The following ITGA4 variants were observed in gnomAD, a reference collection of about 807,000 sequenced individuals.
ITGA4 encodes the protein integrin subunit alpha 4, also known as integrin alpha-4.
ITGA4 carries 63 observed loss-of-function variants against 133.6 expected under a neutral mutation model. The observed-to-expected ratio is 0.47, with a 90% confidence interval of 0.38 to 0.58. The LOEUF is 0.58. Among genes scored for constraint, ITGA4 ranks in the 20% least tolerant of loss-of-function variants. The probability of loss-of-function intolerance (pLI) is 0.00; values close to 1 mark genes in which losing one functional copy is unlikely to be tolerated. For synonymous variants in ITGA4, 483 were observed against 438.0 expected (o/e 1.10, Z -1.28); for missense variants, 1,076 against 1,252.7 (o/e 0.86, Z 2.13).
chr2:181,474,804 T>G (rs185493617), intron 2 of ITGA4, among the ~76,000 whole-genome samples, 156 bp from the exon 3 acceptor site: 15 of 152,346 alleles, frequency 9.8e-5, no homozygotes, highest in Middle Eastern at 3.4e-3. Flanking sequence ...GAATAATTAG[T>G]TGGCACAGAG....
Position 181,537,418 on chromosome 2 carries a change from T to TCAACTTACTTTGTTACTTGTATC in ITGA4, c.*1892_*1914dup, listed in dbSNP as rs767876372. On this transcript the variant is annotated 3_prime_UTR_variant, in exon 28 of 28. Transcript: ENST00000397033. ...GCCCAGTTCAAAATAGTATTTGTTATCAACTTACTTTGTTACTTGTATCAT... is the reference window on the plus strand; with the variant it reads ...GCCCAGTTCAAAATAGTATTTGTTATCAACTTACTTTGTTACTTGTATCCAACTTACTTTGTTACTTGTATCAT... 3,864 of 453,958 alleles carry TCAACTTACTTTGTTACTTGTATC rather than the reference T, an allele frequency of 8.5e-3. 27 individuals carry two copies. Among genetic ancestry groups the TCAACTTACTTTGTTACTTGTATC allele is most frequent in the Non-Finnish European group, 0.012 (2,741 of 226,718 alleles). 28.1% of individuals were successfully genotyped at this position (453,958 alleles called of 1,614,324 possible).
chr2:181,488,082 G>A (rs567744066), intron 10 of ITGA4, among the ~76,000 whole-genome samples: 1 of 152,326 alleles, frequency 6.6e-6, no homozygotes, highest in South Asian at 2.1e-4. Context: ...ATGTACACAT[G>A]AGAAATTATT....
At chr2:181,503,295 A>C (rs1479331085) in intron 15 of ITGA4, among the ~76,000 whole-genome samples, 1 of 152,140 alleles carries the variant, frequency 6.6e-6, no homozygotes, top group Non-Finnish European at 1.5e-5. Context: ...TTAAAAAATT[A>C]TTCTCTTTTA....
At chr2:181,532,790 T>G (rs1686971611) in intron 25 of ITGA4, among the ~76,000 whole-genome samples, 1 of 152,044 alleles carries the variant, frequency 6.6e-6, no homozygotes, top group Non-Finnish European at 1.5e-5. Flanking sequence ...TGAATAGGAG[T>G]GGTGAGAGAG....
chr2:181,507,847 A>G (rs914205047), intron 15 of ITGA4, among the ~76,000 whole-genome samples: 3 of 152,152 alleles, frequency 2.0e-5, no homozygotes, highest in African/African-American at 7.2e-5. Context: ...GAACCCACAG[A>G]TGTGGAACCG....
chr2:181,480,612 A>G (rs1685780608), intron 6 of ITGA4, among the ~76,000 whole-genome samples: 1 of 152,146 alleles, frequency 6.6e-6, no homozygotes, highest in Non-Finnish European at 1.5e-5. Flanking sequence ...CCCATATCTC[A>G]GGAACTTTTT....
chr2:181,490,484 CGTGTGTGTGTGTGTGTGTGTGT>C lies in ITGA4; in HGVS notation c.1154-2820_1154-2799del, dbSNP rs35723610. Reference sequence around the variant, plus strand: ...TTTTTTTTTATGGCTGAATAGTATTCGTGTGTGTGTGTGTGTGTGTGTGTGTGTGTGTGTGTGTGTGTCTGTG... The same window carrying C: ...TTTTTTTTTATGGCTGAATAGTATTCGTGTGTGTGTGTGTGTGTGTCTGTG... On this transcript the variant is annotated intron_variant, in intron 10 of 27. Transcript: ENST00000397033. Among the ~76,000 whole-genome samples the C allele has an allele frequency of 1.0e-3, 139 of 137,824 alleles. 1 individual carries two copies. The East Asian group carries it at 0.025, about 25-fold the overall frequency. 90.4% of individuals were successfully genotyped at this position (137,824 alleles called of 152,430 possible).
At chr2:181,505,448 G>A (rs1686374074) in intron 15 of ITGA4, among the ~76,000 whole-genome samples, 1 of 151,986 alleles carries the variant, frequency 6.6e-6, no homozygotes. Flanking sequence ...TAATTTGCAC[G>A]CTTGTGGGCA....
At chr2:181,472,580 T>G (rs1574380513) in intron 2 of ITGA4, among the ~76,000 whole-genome samples, 1 of 152,342 alleles carries the variant, frequency 6.6e-6, no homozygotes. Context: ...TAACAGGAAC[T>G]TCATGTAGAC....
chr2:181,474,602 C>T (rs193194758), intron 2 of ITGA4, among the ~76,000 whole-genome samples: 21 of 152,226 alleles, frequency 1.4e-4, no homozygotes, highest in South Asian at 1.0e-3. Flanking sequence ...ATATTGCTTA[C>T]GTTGTTAGAT....
chr2:181,493,808 A>G (rs886533836), intron 11 of ITGA4, among the ~76,000 whole-genome samples: 1 of 152,196 alleles, frequency 6.6e-6, no homozygotes, highest in Non-Finnish European at 1.5e-5. Context: ...GATCAAACAC[A>G]CATATGATTC....
intron 2 of ITGA4, among the ~76,000 whole-genome samples, chr2:181,472,672 A>G (rs921619353): frequency 1.3e-5 from 2 of 152,236 alleles, no homozygotes; most frequent in African/African-American, 4.8e-5. Context: ...AATGAAAATT[A>G]AAATGCCTTG....
intron 10 of ITGA4, among the ~76,000 whole-genome samples, chr2:181,487,805 ATAAAAT>A (rs555618952): frequency 8.9e-4 from 135 of 152,328 alleles, no homozygotes; most frequent in African/African-American, 3.2e-3. Flanking sequence ...CAAGTAGAAA[ATAAAAT>A]TAATACTTGA....
rs1207341102 is a variant in ITGA4, at chr2:181,537,840, C to CTATT, written c.*2314_*2317dup. 1 of 491,206 alleles carries CTATT rather than the reference C, an allele frequency of 2.0e-6. No homozygotes were observed. The highest frequency in any genetic ancestry group is 1.5e-5 in the South Asian group (1 of 64,576). The allele number at this position is 491,206 out of a possible 1,614,324, so 30.4% of individuals were successfully genotyped here. On this transcript the variant is annotated 3_prime_UTR_variant, in exon 28 of 28. Coordinates refer to ENST00000397033, the MANE Select transcript of ITGA4 (RefSeq NM_000885.6). Reference sequence around the variant, plus strand: ...GGCTAATTGTTAGTAACATCAATTTCTATTAGGATATCCGTTTGGCCACAC... The same window carrying CTATT: ...GGCTAATTGTTAGTAACATCAATTTCTATTTATTAGGATATCCGTTTGGCCACAC...
chr2:181,503,840 G>T (rs1442722644), intron 15 of ITGA4, among the ~76,000 whole-genome samples: 1 of 151,616 alleles, frequency 6.6e-6, no homozygotes, highest in Admixed American at 6.6e-5. Flanking sequence ...CTTTGTTTTT[G>T]CTTTATTTAA....
intron 17 of ITGA4, among the ~76,000 whole-genome samples, chr2:181,514,407 T>C (rs559779758): frequency 2.0e-5 from 3 of 152,202 alleles, no homozygotes; most frequent in Non-Finnish European, 4.4e-5. Flanking sequence ...TGAGAGTCCA[T>C]AGTTCAGGGC....
intron 17 of ITGA4, among the ~76,000 whole-genome samples, chr2:181,517,576 G>T (rs1686631836): frequency 6.6e-6 from 1 of 152,044 alleles, no homozygotes; most frequent in Non-Finnish European, 1.5e-5. Context: ...GACAGCTCTG[G>T]TTCAGTCTTG....
intron 25 of ITGA4, 64 bp downstream of exon 25, chr2:181,531,840 C>T (rs1421074407): frequency 1.6e-6 from 2 of 1,263,890 alleles, no homozygotes; most frequent in Non-Finnish European, 2.2e-6. Context: ...TAAATTCAGT[C>T]ATATAGGCAG....
Position 181,498,790 on chromosome 2 carries a change from A to G in ITGA4, c.1695+13A>G. 1 of 1,578,908 alleles carries G rather than the reference A, an allele frequency of 6.3e-7. No individual in the cohort carries two copies. Reference sequence around the variant, plus strand: ...AGCATTTATGCGGGTAATGTAAGCTATTTTTTATTAATGAATATGTGAACT... The same window carrying G: ...AGCATTTATGCGGGTAATGTAAGCTGTTTTTTATTAATGAATATGTGAACT... On this transcript the variant is annotated intron_variant, in intron 15 of 27. Coordinates refer to ENST00000397033, the MANE Select transcript of ITGA4 (RefSeq NM_000885.6).
Sources: allele counts gnomAD v4.1 joint callset (sites outside exome capture counted in the v4.1 genomes callset), GRCh38; gene constraint gnomAD v4.1.1; transcripts MANE v1.5; gene names NCBI Gene and HGNC (gene_info 2026-07-23, HGNC 2026-07-21).